Variants in PDE4C observed in about 807,000 individuals in gnomAD.
The protein encoded by PDE4C is phosphodiesterase 4C, also known as 3',5'-cyclic-AMP phosphodiesterase 4C.
In PDE4C, 50 loss-of-function variants were observed where a neutral mutation model predicts 63.9. That is an observed-to-expected ratio of 0.78 (90% CI 0.62 to 0.99). The LOEUF is 0.99. Among genes scored for constraint, PDE4C ranks in the 50% least tolerant of loss-of-function variants. The pLI is 0.00. For missense variants in PDE4C, 777 were observed against 899.1 expected, an observed-to-expected ratio of 0.86 and a Z score of 1.74; for synonymous variants, 377 against 385.1, an observed-to-expected ratio of 0.98 and a Z score of 0.25.
intron 1 of PDE4C, among the ~76,000 whole-genome samples, chr19:18,243,223 C>T (rs1490971470): frequency 2.0e-5 from 3 of 152,124 alleles, no homozygotes; most frequent in Non-Finnish European, 2.9e-5. Flanking sequence ...AATTCTCCTG[C>T]CTCAGCCTCC....
intron 4 of PDE4C, 37 bp downstream of exon 4, chr19:18,221,068 C>G: frequency 7.4e-7 from 1 of 1,344,510 alleles, no homozygotes; most frequent in Non-Finnish European, 1.0e-6. Context: ...CTTGTCTCTG[C>G]CGGCCCCGCC....
chr19:18,214,948 CAAAAAAA>C (rs34534126), intron 12 of PDE4C, among the ~76,000 whole-genome samples: 6 of 102,322 alleles, frequency 5.9e-5, no homozygotes, highest in South Asian at 7.3e-4. Flanking sequence ...GACTCCATTT[CAAAAAAA>C]AAAAAAAAAA....
At chr19:18,211,041 C>T in exon 15 of PDE4C, 1 of 1,614,214 alleles carries the variant, frequency 6.2e-7, no homozygotes, top group Non-Finnish European at 8.5e-7. Context: ...TGTCTCTTCC[C>T]CCTCCTCTTC....
upstream of PDE4C, among the ~76,000 whole-genome samples, chr19:18,228,549 G>T (rs894885248): frequency 1.3e-5 from 2 of 152,170 alleles, no homozygotes; most frequent in African/African-American, 4.8e-5. Context: ...CACTGGATGC[G>T]TTAACTCATT....
At chr19:18,225,539 A>G (rs1968688018) in intron 1 of PDE4C, 1 of 152,266 alleles carries the variant, frequency 6.6e-6, no homozygotes, top group Non-Finnish European at 1.5e-5. Context: ...GTGGGTGCCA[A>G]TTCGGCGCGG....
chr19:18,210,869 C>A, exon 15 of PDE4C: 1 of 1,513,712 alleles, frequency 6.6e-7, no homozygotes, highest in Non-Finnish European at 8.8e-7. Context: ...GGAAAGTCTG[C>A]CTGCCAAGAG....
At chr19:18,211,327 T>TGG in intron 14 of PDE4C, 51 bp from the exon 15 acceptor site, 1 of 1,447,098 alleles carries the variant, frequency 6.9e-7, no homozygotes. Context: ...CAGTGAACCC[T>TGG]AGACTCAATC....
chr19:18,233,091 C>T, exon 1 of PDE4C: 4 of 1,570,734 alleles, frequency 2.5e-6, no homozygotes, highest in Non-Finnish European at 3.5e-6. Flanking sequence ...CCGGGGTTGC[C>T]GCCACAGGTG....
chr19:18,218,170 T>A (rs762629857), exon 11 of PDE4C: 1 of 1,613,836 alleles, frequency 6.2e-7, no homozygotes, highest in South Asian at 1.1e-5. Flanking sequence ...AGAAACTGGT[T>A]GGAGACCCCA....
At chr19:18,239,428 G>A (rs528290402) in intron 1 of PDE4C, among the ~76,000 whole-genome samples, 1 of 152,290 alleles carries the variant, frequency 6.6e-6, no homozygotes, top group South Asian at 2.1e-4. Flanking sequence ...AGGCCACGTG[G>A]TCCAGGGCAA....
At chr19:18,255,308 TC>T in the PDE4C span, 2 of 399,138 alleles carry the variant, frequency 5.0e-6, no homozygotes, top group African/African-American at 4.1e-5. The surrounding 1 kb of genome is among the most constrained non-coding windows in gnomAD (Gnocchi z 4.6). Context: ...GGCACGCCAT[TC>T]CTGCGCCGGG....
At position 18,220,354 on chromosome 19, in the gene PDE4C, G is replaced by A. The variant is rs1282422954; in HGVS notation, c.613-35C>T. ...AGAGAAGGTGAAGACCGTGATGATG[G>A]GGCACCGTGGGCCGAGGCAGGTGAG... On this transcript the variant is annotated intron_variant, in intron 6 of 14. Transcript: ENST00000262805. The surrounding 1 kb of genome is among the most constrained non-coding windows in gnomAD (Gnocchi z 5.1). The A allele has an allele frequency of 2.5e-6, 4 of 1,612,348 alleles. No individual in the cohort carries two copies. In the East Asian group the frequency reaches 6.7e-5, roughly 27 times the overall value.
chr19:18,233,365 G>A (rs765664171), exon 1 of PDE4C: 1 of 843,466 alleles, frequency 1.2e-6, no homozygotes, highest in Non-Finnish European at 1.9e-6. Flanking sequence ...CTCAAGGTGG[G>A]GCCGACACCG....
At chr19:18,233,108 G>A (rs377196088) in exon 1 of PDE4C, 24 of 1,567,630 alleles carry the variant, frequency 1.5e-5, no homozygotes, top group South Asian at 8.2e-5. Flanking sequence ...GGTGCTTCGG[G>A]GCTCTGGTCA....
chr19:18,227,811 C>T (rs1490771092), upstream of PDE4C, among the ~76,000 whole-genome samples: 1 of 152,208 alleles, frequency 6.6e-6, no homozygotes, highest in Admixed American at 6.5e-5. Context: ...ACATGGTACC[C>T]ATGTTTCTGG....
At chr19:18,219,436 T>A (rs760109546) in intron 7 of PDE4C, 39 bp from the exon 8 acceptor site, 11 of 1,544,366 alleles carry the variant, frequency 7.1e-6, no homozygotes, top group Non-Finnish European at 9.6e-6. Flanking sequence ...GAAGCCGATT[T>A]CACCTGCTGG....
upstream of PDE4C, among the ~76,000 whole-genome samples, chr19:18,251,873 G>A (rs1414692188): frequency 6.6e-6 from 1 of 151,902 alleles, no homozygotes; most frequent in East Asian, 1.9e-4. Context: ...ATCGCTGCGT[G>A]CCCAGCCGTG....
At chr19:18,245,119 G>C (rs528298719) in intron 1 of PDE4C, among the ~76,000 whole-genome samples, 1 of 151,726 alleles carries the variant, frequency 6.6e-6, no homozygotes, top group African/African-American at 2.4e-5. Context: ...ACAAGCATGA[G>C]CCACTGTGCC....
At chr19:18,237,060 C>T (rs169237), upstream of PDE4C, 92,382 of 152,564 alleles carry the variant, frequency 0.61, 28,188 homozygotes, top group Middle Eastern at 0.73. Context: ...CTCCCAGAAC[C>T]ACTGGAAGAA....
Sources: gnomAD v4.1 joint callset for allele counts (sites outside exome capture counted in the v4.1 genomes callset) on GRCh38, gnomAD v4.1.1 for gene constraint, Gnocchi (gnomAD v3.1) non-coding constraint, MANE v1.5 for transcripts, NCBI Gene and HGNC (gene_info 2026-07-23, HGNC 2026-07-21) for gene names.